The following RPGRIP1 variants were observed in gnomAD, a reference collection of about 807,000 sequenced individuals.
RPGRIP1 encodes the protein X-linked retinitis pigmentosa GTPase regulator-interacting protein 1.
A neutral mutation model predicts 157.9 loss-of-function variants in RPGRIP1; 128 were observed. The observed-to-expected ratio is 0.81, with a 90% CI of 0.70 to 0.94. The LOEUF (loss-of-function observed/expected upper bound fraction) is 0.94. RPGRIP1 is among the 40% of genes least tolerant of loss of function. The pLI is 0.00. For missense variants in RPGRIP1, 1,486 were observed against 1,545.8 expected, an observed-to-expected ratio of 0.96 and a Z score of 0.65; for synonymous variants, 554 against 571.6, an observed-to-expected ratio of 0.97 and a Z score of 0.44.
At chr14:21,326,927 T>G (rs1210308323) in intron 17 of RPGRIP1, among the ~76,000 whole-genome samples, 1 of 152,144 alleles carries the variant, frequency 6.6e-6, no homozygotes, top group East Asian at 1.9e-4. Context: ...TCCTAACTTT[T>G]ATACCTAGGA....
chr14:21,313,339 C>T (rs1350297558), intron 10 of RPGRIP1, among the ~76,000 whole-genome samples: 1 of 77,132 alleles, frequency 1.3e-5, no homozygotes, highest in Non-Finnish European at 2.5e-5. Context: ...CTGTTCTCCA[C>T]AAAAAGAAAA....
At chr14:21,285,292 G>C (rs1408684281) in intron 1 of RPGRIP1, among the ~76,000 whole-genome samples, 1 of 151,860 alleles carries the variant, frequency 6.6e-6, no homozygotes, top group Non-Finnish European at 1.5e-5. Flanking sequence ...CAAAGGATCA[G>C]ATGGAGTCAG....
At chr14:21,310,753 ATAC>A (rs1475141545) in intron 8 of RPGRIP1, 146 bp downstream of exon 8, 1 of 653,760 alleles carries the variant, frequency 1.5e-6, no homozygotes, top group Admixed American at 2.6e-5. Flanking sequence ...GTTAAAAATG[ATAC>A]TATTATGATT....
chr14:21,311,846 C>T lies in RPGRIP1; in HGVS notation c.953C>T (p.Ala318Val), dbSNP rs1325466987. Residue 318 changes from alanine to valine, a missense_variant, in exon 9 of 25, where the codon GCC becomes GTC. By Grantham distance (64) the Ala-to-Val change is moderately conservative (BLOSUM62 0). Coordinates refer to ENST00000400017, the MANE Select transcript of RPGRIP1 (RefSeq NM_020366.4). ...CAGAATCAGGGAATCCTGAGTGCAG[C>T]CCATGAGGCCCTCCTCAAGCAAGTG... The part of the protein sequence containing the change: ...LQKNQGILSA[A>V]HEALLKQVNE... The T allele has an allele frequency of 3.0e-5, 49 of 1,608,632 alleles. No individual in the cohort carries two copies. Among genetic ancestry groups the T allele is most frequent in the Non-Finnish European group, 4.0e-5 (47 of 1,178,016 alleles).
chr14:21,295,302 TGAGGGGATGGAGATA>T (rs1009764694), intron 3 of RPGRIP1, among the ~76,000 whole-genome samples: 25 of 151,962 alleles, frequency 1.6e-4, no homozygotes, highest in Non-Finnish European at 4.4e-5. Context: ...TGGTCACAAC[TGAGGGGATGGAGATA>T]GGTGGAATGG....
At position 21,317,687 on chromosome 14, in the gene RPGRIP1, C is replaced by T; in HGVS notation, c.1152-9C>T. On this transcript the variant is annotated splice_polypyrimidine_tract_variant and intron_variant, in intron 10 of 24. Coordinates refer to ENST00000400017, the MANE Select transcript of RPGRIP1 (RefSeq NM_020366.4). ...GGTATCCATCTGAGAGCTTGCTTTC[C>T]ATTGCCAGCATGCTGGACAGCAGTG... The T allele has an allele frequency of 6.3e-7, 1 of 1,577,534 alleles. No individual in the cohort carries two copies. The highest frequency in any genetic ancestry group is 8.6e-7 in the Non-Finnish European group (1 of 1,161,330).
At chr14:21,338,658 AT>A (rs145472034) in intron 21 of RPGRIP1, among the ~76,000 whole-genome samples, 1,923 of 152,358 alleles carry the variant, frequency 0.013, 17 homozygotes, top group Non-Finnish European at 0.023. Flanking sequence ...ATACTCATAG[AT>A]AAAAAATGGT....
At position 21,285,394 on chromosome 14, in the gene RPGRIP1, A is replaced by G. The variant is rs145877328; in HGVS notation, c.-38-2545A>G. On this transcript the variant is annotated intron_variant, in intron 1 of 24. Coordinates refer to ENST00000400017, the MANE Select transcript of RPGRIP1 (RefSeq NM_020366.4). ...GCCAAGGCAGGCAGATCACAAGATC[A>G]GGAGATCAAGACCATCTTGGCTAAC... Among the ~76,000 whole-genome samples the G allele has an allele frequency of 4.7e-3, 717 of 152,062 alleles. 23 individuals are homozygous for G. The highest frequency in any genetic ancestry group is 0.017 in the African/African-American group (700 of 41,346).
At chr14:21,303,720 A>C (rs1479371714) in intron 6 of RPGRIP1, among the ~76,000 whole-genome samples, 177 bp downstream of exon 6, 2 of 152,046 alleles carry the variant, frequency 1.3e-5, no homozygotes, top group Non-Finnish European at 2.9e-5. Flanking sequence ...GGCACCATGG[A>C]TCACGCCTGT....
intron 13 of RPGRIP1, 41 bp downstream of exon 13, chr14:21,321,443 A>C (rs771919413): frequency 6.3e-7 from 1 of 1,585,072 alleles, no homozygotes. Flanking sequence ...GGATAACAGG[A>C]ACGTGGGAAC....
chr14:21,325,086 T>C lies in RPGRIP1; in HGVS notation c.2215+16T>C. ...ACACTGATTGGTAAGTGCCGTTGGC[T>C]TCCTGCGGCTCCTAAGCACCAATGC... On this transcript the variant is annotated intron_variant, in intron 15 of 24. Coordinates refer to ENST00000400017, the MANE Select transcript of RPGRIP1 (RefSeq NM_020366.4). 1 of 1,589,500 alleles carries C rather than the reference T, an allele frequency of 6.3e-7. No individual in the cohort carries two copies. Among genetic ancestry groups the C allele is most frequent in the Non-Finnish European group, 8.6e-7 (1 of 1,164,218 alleles).
At chr14:21,327,834 C>T in intron 18 of RPGRIP1, 27 bp downstream of exon 18, 1 of 1,516,850 alleles carries the variant, frequency 6.6e-7, no homozygotes, top group Non-Finnish European at 8.9e-7. Flanking sequence ...CCACAGGTAG[C>T]AGATCTCTGC....
At chr14:21,310,410 A>C (rs1324821247) in intron 7 of RPGRIP1, among the ~76,000 whole-genome samples, 174 bp from the exon 8 acceptor site, 1 of 152,190 alleles carries the variant, frequency 6.6e-6, no homozygotes, top group Non-Finnish European at 1.5e-5. Flanking sequence ...GTCACAGACT[A>C]CTTGGCAAGC....
intron 24 of RPGRIP1, among the ~76,000 whole-genome samples, chr14:21,350,799 C>A (rs964932739): frequency 6.6e-6 from 1 of 152,178 alleles, no homozygotes; most frequent in Non-Finnish European, 1.5e-5. Context: ...TTCTTCCTGA[C>A]CTCCATGCCA....
chr14:21,303,216 G>C lies in RPGRIP1; in HGVS notation c.588-115G>C, dbSNP rs1881114996. The C allele has an allele frequency of 7.0e-6, 5 of 714,126 alleles. No individual in the cohort carries two copies. In the South Asian group the frequency reaches 7.7e-5, roughly 11 times the overall value. The allele number at this position is 714,126 out of a possible 1,614,324, so 44.2% of individuals were successfully genotyped here. A position where few individuals can be genotyped will look rare whatever the true frequency, so the allele number is the denominator to read the frequency against. On this transcript the variant is annotated intron_variant, in intron 5 of 24. Coordinates refer to ENST00000400017, the MANE Select transcript of RPGRIP1 (RefSeq NM_020366.4). ...GACATTTGAAAGCTGTATTTTATAA[G>C]ATTTTCCTCGACATGTACCAAGGTT... is the stretch of plus-strand genomic sequence containing the variant.
Position 21,307,717 on chromosome 14 carries a change from G to T in RPGRIP1, c.801-14G>T. The T allele has an allele frequency of 6.7e-7, 1 of 1,488,552 alleles. No homozygotes were observed. Among genetic ancestry groups the T allele is most frequent in the Non-Finnish European group, 9.2e-7 (1 of 1,088,264 alleles). The allele number at this position is 1,488,552 out of a possible 1,614,324, so 92.2% of individuals were successfully genotyped here. On this transcript the variant is annotated splice_polypyrimidine_tract_variant and intron_variant, in intron 6 of 24. Coordinates refer to ENST00000400017, the MANE Select transcript of RPGRIP1 (RefSeq NM_020366.4). ...CCATGTTCAGACAGAATAATTTAGC[G>T]CCTTTCTCTGCAGAGCTTCCATTAA...
At chr14:21,317,501 C>G in intron 10 of RPGRIP1, 195 bp from the exon 11 acceptor site, 2 of 1,384,606 alleles carry the variant, frequency 1.4e-6, no homozygotes, top group Non-Finnish European at 1.9e-6. Context: ...AGAAATGGTA[C>G]TGAGCAATAA....
intron 3 of RPGRIP1, among the ~76,000 whole-genome samples, chr14:21,300,443 C>CA (rs562225587): frequency 5.5e-4 from 83 of 151,578 alleles, no homozygotes; most frequent in Non-Finnish European, 6.9e-4. Context: ...CAGATAGTAG[C>CA]AAAAAAACCA....
At chr14:21,295,561 G>A (rs1019116881) in intron 3 of RPGRIP1, among the ~76,000 whole-genome samples, 5 of 144,442 alleles carry the variant, frequency 3.5e-5, no homozygotes, top group South Asian at 2.2e-4. Flanking sequence ...TCAGCTCACC[G>A]CAACCTCCGC....
Sources: gnomAD v4.1 joint callset for allele counts (sites outside exome capture counted in the v4.1 genomes callset) on GRCh38, gnomAD v4.1.1 for gene constraint, MANE v1.5 for transcripts, NCBI Gene and HGNC (gene_info 2026-07-23, HGNC 2026-07-21) for gene names.